Variants in FAM163A observed in about 807,000 individuals in gnomAD.
FAM163A encodes the protein family with sequence similarity 163 member A.
A neutral mutation model predicts 12.0 loss-of-function variants in FAM163A; 7 were observed. The observed-to-expected ratio is 0.58, with a 90% confidence interval of 0.33 to 1.10. The LOEUF is 1.10. FAM163A is among the 50% of genes least tolerant of loss of function. The pLI is 0.03. For missense variants in FAM163A, 202 were observed against 218.6 expected, an observed-to-expected ratio of 0.92 and a Z score of 0.48; for synonymous variants, 101 against 91.0, an observed-to-expected ratio of 1.11 and a Z score of -0.62.
At chr1:179,813,234 C>A (rs769375066) in intron 4 of FAM163A, 44 bp downstream of exon 4, 1 of 1,528,212 alleles carries the variant, frequency 6.5e-7, no homozygotes, top group South Asian at 1.2e-5. Flanking sequence ...AGGCCACCAG[C>A]AAACCTCTTT....
At chr1:179,808,208 A>G (rs1475251090) in intron 2 of FAM163A, among the ~76,000 whole-genome samples, 1 of 152,208 alleles carries the variant, frequency 6.6e-6, no homozygotes, top group African/African-American at 2.4e-5. Context: ...TTGTTATCCT[A>G]TGACTTTAGG....
chr1:179,807,256 G>A (rs1276381361), intron 1 of FAM163A, among the ~76,000 whole-genome samples: 2 of 152,174 alleles, frequency 1.3e-5, no homozygotes, highest in Admixed American at 1.3e-4. Context: ...GCCTGAACTT[G>A]CTCATCTGGC....
At chr1:179,760,770 T>C (rs567797923) in intron 1 of FAM163A, among the ~76,000 whole-genome samples, 1 of 152,304 alleles carries the variant, frequency 6.6e-6, no homozygotes, top group African/African-American at 2.4e-5. Context: ...CATCCACCCT[T>C]GCTACCAGGG....
chr1:179,728,457 C>T, the FAM163A span, among the ~76,000 whole-genome samples: 1 of 152,126 alleles, frequency 6.6e-6, no homozygotes, highest in African/African-American at 2.4e-5. Flanking sequence ...GGGGTGCTGC[C>T]AGGCACATAA....
chr1:179,775,361 T>C (rs1175449341), intron 1 of FAM163A, among the ~76,000 whole-genome samples: 1 of 152,272 alleles, frequency 6.6e-6, no homozygotes, highest in African/African-American at 2.4e-5. Flanking sequence ...ATCAGTCTGA[T>C]TGGTTGCAGA....
At chr1:179,783,718 C>A in intron 1 of FAM163A, among the ~76,000 whole-genome samples, 1 of 93,412 alleles carries the variant, frequency 1.1e-5, no homozygotes, top group African/African-American at 5.4e-5. Context: ...TTTTATACTT[C>A]CCAAATTTTA....
intron 1 of FAM163A, among the ~76,000 whole-genome samples, chr1:179,801,861 G>C (rs571855541): frequency 6.6e-6 from 1 of 152,162 alleles, no homozygotes; most frequent in African/African-American, 2.4e-5. Context: ...ACAAAGACGC[G>C]TGATTCCAAG....
At chr1:179,778,058 A>T (rs1449825007) in intron 1 of FAM163A, among the ~76,000 whole-genome samples, 1 of 152,242 alleles carries the variant, frequency 6.6e-6, no homozygotes, top group East Asian at 1.9e-4. Flanking sequence ...TCATACCTTG[A>T]CAAATCCATT....
intron 1 of FAM163A, among the ~76,000 whole-genome samples, chr1:179,781,905 G>C (rs371283990): frequency 2.1e-5 from 3 of 145,656 alleles, no homozygotes; most frequent in African/African-American, 7.7e-5. Context: ...CTGCACTCTA[G>C]CCTGGGCAAC....
At chr1:179,760,692 A>T (rs549160687) in intron 1 of FAM163A, among the ~76,000 whole-genome samples, 11 of 152,334 alleles carry the variant, frequency 7.2e-5, no homozygotes, top group Non-Finnish European at 1.5e-4. Context: ...GGAACAGCTG[A>T]TGAAGTGGCA....
chr1:179,745,807 G>A lies in FAM163A; in HGVS notation c.-136+2384G>A, dbSNP rs1684385984. On this transcript the variant is annotated intron_variant, in intron 1 of 4. Transcript: ENST00000341785. ...GATCATAAAGCTAGTTAATGGCAGA[G>A]CAGAGCTTGAAGCCCAGGTCTCTTT... Among the ~76,000 whole-genome samples, 5 of 152,198 alleles carry A rather than the reference G, an allele frequency of 3.3e-5. No homozygotes were observed. In the South Asian group the frequency reaches 1.0e-3, roughly 31 times the overall value.
At chr1:179,762,419 C>T (rs1365532415) in intron 1 of FAM163A, among the ~76,000 whole-genome samples, 1 of 152,100 alleles carries the variant, frequency 6.6e-6, no homozygotes, top group Non-Finnish European at 1.5e-5. Context: ...CACCTGGTTG[C>T]GCTCCTATGC....
chr1:179,773,784 T>C (rs1195977079), intron 1 of FAM163A, among the ~76,000 whole-genome samples: 2 of 152,214 alleles, frequency 1.3e-5, no homozygotes. Context: ...CTGGTATTTA[T>C]GAAGCACTTG....
intron 2 of FAM163A, among the ~76,000 whole-genome samples, chr1:179,810,601 A>G (rs1694577921): frequency 6.6e-6 from 1 of 152,100 alleles, no homozygotes; most frequent in African/African-American, 2.4e-5. Context: ...GCTCAATACA[A>G]CACCTGCAGT....
intron 1 of FAM163A, among the ~76,000 whole-genome samples, chr1:179,774,411 A>G (rs1000297288): frequency 6.6e-6 from 1 of 152,216 alleles, no homozygotes; most frequent in African/African-American, 2.4e-5. Context: ...GATGAGCTTT[A>G]GGGGTTTCAT....
chr1:179,729,742 C>A, the FAM163A span, among the ~76,000 whole-genome samples: 1 of 152,224 alleles, frequency 6.6e-6, no homozygotes, highest in Non-Finnish European at 1.5e-5. Flanking sequence ...GCTCCTGGCC[C>A]CTAGAAATAC....
At chr1:179,761,512 C>T (rs982002051) in intron 1 of FAM163A, among the ~76,000 whole-genome samples, 15 of 152,172 alleles carry the variant, frequency 9.9e-5, no homozygotes, top group South Asian at 4.1e-4. Context: ...CTTGTTACTA[C>T]GACAGCCGGT....
chr1:179,802,582 G>T (rs947318013), intron 1 of FAM163A, among the ~76,000 whole-genome samples: 2 of 152,142 alleles, frequency 1.3e-5, no homozygotes, highest in African/African-American at 4.8e-5. Flanking sequence ...AAATTTCAGG[G>T]ACATCAAACC....
chr1:179,814,480 C>T lies in FAM163A; in HGVS notation c.*291C>T, dbSNP rs1470621317. 2 of 397,538 alleles carry T rather than the reference C, an allele frequency of 5.0e-6. No individual in the cohort carries two copies. Among genetic ancestry groups the T allele is most frequent in the Admixed American group, 4.3e-5 (1 of 23,348 alleles). 24.6% of individuals were successfully genotyped at this position (397,538 alleles called of 1,614,324 possible). ...TGGCAGCCCCAGCACCACCACAACCCCTTGCAGTGTGCCCCAGTCCCCTGG... is the reference window on the plus strand; with the variant it reads ...TGGCAGCCCCAGCACCACCACAACCTCTTGCAGTGTGCCCCAGTCCCCTGG... On this transcript the variant is annotated 3_prime_UTR_variant, in exon 5 of 5. Coordinates refer to ENST00000341785, the MANE Select transcript of FAM163A (RefSeq NM_173509.3).
Sources: gnomAD v4.1 joint callset for allele counts (sites outside exome capture counted in the v4.1 genomes callset) on GRCh38, gnomAD v4.1.1 for gene constraint, MANE v1.5 for transcripts, NCBI Gene and HGNC (gene_info 2026-07-23, HGNC 2026-07-21) for gene names.